SEC22A: variants seen among roughly 807,000 people sequenced by gnomAD.
SEC22A encodes SEC22 homolog A, vesicle trafficking protein.
Under a neutral mutation model 35.3 loss-of-function variants are expected in SEC22A, and 22 were observed. That is an observed-to-expected ratio of 0.62 (90% CI 0.45 to 0.89). The LOEUF is 0.89. SEC22A is among the 40% of genes least tolerant of loss of function. The pLI is 0.00. For missense variants in SEC22A, 354 were observed against 362.5 expected, an observed-to-expected ratio of 0.98 and a Z score of 0.19; for synonymous variants, 119 against 129.5, an observed-to-expected ratio of 0.92 and a Z score of 0.55.
rs1223821694 is a variant in SEC22A, at chr3:123,269,177, A to ATGTGTGTGTGTGTG, written c.724-2344_724-2343insGTGTGTGTGTGTGT. ...AGCCTTGGAAAACCTTGAATTAAAT[A>ATGTGTGTGTGTGTG]TATGTGTGTGTGTGTGTGTGTGTGT... is the stretch of plus-strand genomic sequence containing the variant. On this transcript the variant is annotated intron_variant, in intron 6 of 6. Transcript: ENST00000492595. Among the ~76,000 whole-genome samples the ATGTGTGTGTGTGTG allele has an allele frequency of 4.4e-3, 491 of 112,054 alleles. 8 individuals are homozygous for ATGTGTGTGTGTGTG. The highest frequency in any genetic ancestry group is 0.013 in the African/African-American group (343 of 26,484). The allele number at this position is 112,054 out of a possible 152,430, so 73.5% of individuals were successfully genotyped here. A position where few individuals can be genotyped will look rare whatever the true frequency, so the allele number is the denominator to read the frequency against.
chr3:123,237,560 G>T lies in SEC22A; in HGVS notation c.542-8339G>T, dbSNP rs1353023362. 2.0e-5 allele frequency among the ~76,000 whole-genome samples: 3 copies of T among 152,270 alleles called. No individual in the cohort carries two copies. The East Asian group carries it at 5.8e-4, about 29-fold the overall frequency. On this transcript the variant is annotated intron_variant, in intron 4 of 6. Transcript: ENST00000492595. ...TAATTACCTTGATGATATTTGGATT[G>T]GGGGAGCTCAAAAACTTCCATTGGA...
intron 4 of SEC22A, among the ~76,000 whole-genome samples, chr3:123,240,564 G>A (rs373169852): frequency 6.6e-6 from 1 of 152,094 alleles, no homozygotes. Flanking sequence ...ACTTGTTTCA[G>A]TTTTTGTTAT....
At chr3:123,257,995 G>GAAAAAAAAAAAAAAAAAAAAAAA (rs61068587) in intron 5 of SEC22A, among the ~76,000 whole-genome samples, 1 of 111,482 alleles carries the variant, frequency 9.0e-6, no homozygotes, top group Non-Finnish European at 1.9e-5. Flanking sequence ...CCATCTCATT[G>GAAAAAAAAAAAAAAAAAAAAAAA]AAAAAAAAAA....
intron 6 of SEC22A, among the ~76,000 whole-genome samples, chr3:123,262,478 CT>C (rs140870923): frequency 6.6e-6 from 1 of 152,162 alleles, no homozygotes. Context: ...CGACTTGGAA[CT>C]TTTTTTACTT....
At position 123,273,643 on chromosome 3, in the gene SEC22A, A is replaced by C. The variant is rs972097180; in HGVS notation, c.*1921A>C. The stretch of plus-strand genomic sequence containing the variant: ...GCCAACGTGGTGAAACCTCATCTCT[A>C]CTAAAAATACAAAATTTAGCTGGGT... On this transcript the variant is annotated 3_prime_UTR_variant, in exon 7 of 7. Coordinates refer to ENST00000492595, the MANE Select transcript of SEC22A (RefSeq NM_012430.5). The C allele has an allele frequency of 6.6e-6, 1 of 152,138 alleles. No homozygotes were observed. The highest frequency in any genetic ancestry group is 1.5e-5 in the Non-Finnish European group (1 of 68,040). The allele number at this position is 152,138 out of a possible 1,614,324, so 9.4% of individuals were successfully genotyped here. A position where few individuals can be genotyped will look rare whatever the true frequency, so the allele number is the denominator to read the frequency against.
intron 6 of SEC22A, 36 bp from the exon 7 acceptor site, chr3:123,271,486 A>G (rs1938156904): frequency 6.5e-7 from 1 of 1,539,906 alleles, no homozygotes; most frequent in South Asian, 1.1e-5. Context: ...CTTTTCCTGT[A>G]ACCCTAATCA....
intron 4 of SEC22A, among the ~76,000 whole-genome samples, chr3:123,241,979 C>T (rs1355244068): frequency 1.3e-5 from 2 of 151,888 alleles, no homozygotes; most frequent in African/African-American, 2.4e-5. Context: ...AAGGAGAATC[C>T]TAGCATCTCC....
At chr3:123,258,502 C>T (rs1337748855) in intron 5 of SEC22A, among the ~76,000 whole-genome samples, 1 of 152,132 alleles carries the variant, frequency 6.6e-6, no homozygotes, top group African/African-American at 2.4e-5. Context: ...TTGGTGTTGG[C>T]CTTCCTTGCC....
At chr3:123,220,272 T>C (rs1482432152) in intron 2 of SEC22A, among the ~76,000 whole-genome samples, 1 of 152,264 alleles carries the variant, frequency 6.6e-6, no homozygotes, top group East Asian at 1.9e-4. Flanking sequence ...GATAATCAAA[T>C]AACTCCTAGC....
At chr3:123,239,449 C>T (rs1360396517) in intron 4 of SEC22A, among the ~76,000 whole-genome samples, 1 of 152,004 alleles carries the variant, frequency 6.6e-6, no homozygotes, top group Non-Finnish European at 1.5e-5. Flanking sequence ...CTCCCCCCTC[C>T]ACCCACCCCA....
intron 5 of SEC22A, among the ~76,000 whole-genome samples, chr3:123,257,729 G>A (rs1051720827): frequency 2.6e-5 from 4 of 152,020 alleles, no homozygotes; most frequent in South Asian, 2.1e-4. Context: ...AGTGGCTCAC[G>A]CCTGTAATCC....
chr3:123,249,744 G>A (rs553736271), intron 5 of SEC22A, among the ~76,000 whole-genome samples: 1 of 152,080 alleles, frequency 6.6e-6, no homozygotes, highest in East Asian at 1.9e-4. Context: ...GGCTGGTCTC[G>A]AACTCCTGAC....
chr3:123,263,146 G>A (rs1458624915), intron 6 of SEC22A, among the ~76,000 whole-genome samples: 1 of 152,206 alleles, frequency 6.6e-6, no homozygotes, highest in Non-Finnish European at 1.5e-5. Context: ...AGGACATTAT[G>A]TAAATGGAAT....
At chr3:123,243,539 C>G (rs1381660591) in intron 4 of SEC22A, among the ~76,000 whole-genome samples, 1 of 152,168 alleles carries the variant, frequency 6.6e-6, no homozygotes, top group East Asian at 1.9e-4. Context: ...CTAGACCACC[C>G]TCCCCCTACT....
chr3:123,249,234 C>A (rs545885815), intron 5 of SEC22A, among the ~76,000 whole-genome samples: 1 of 152,046 alleles, frequency 6.6e-6, no homozygotes, highest in Non-Finnish European at 1.5e-5. Context: ...CACATGGCAC[C>A]CACCCAGAAG....
intron 4 of SEC22A, among the ~76,000 whole-genome samples, chr3:123,236,813 G>A (rs866037172): frequency 5.3e-5 from 8 of 150,666 alleles, no homozygotes; most frequent in South Asian, 2.1e-4. Context: ...TAAGAAACAC[G>A]CACACACACA....
intron 4 of SEC22A, among the ~76,000 whole-genome samples, chr3:123,239,753 G>A (rs568767592): frequency 1.1e-4 from 16 of 152,078 alleles, no homozygotes; most frequent in African/African-American, 3.6e-4. Flanking sequence ...AGTAGGTTGC[G>A]AAAATTTTCT....
chr3:123,212,959 A>G (rs550313154), intron 2 of SEC22A, among the ~76,000 whole-genome samples: 1 of 152,196 alleles, frequency 6.6e-6, no homozygotes, highest in Non-Finnish European at 1.5e-5. Context: ...TTGAGACCAG[A>G]AGTACATAAA....
chr3:123,248,793 C>T (rs772117090), intron 5 of SEC22A, among the ~76,000 whole-genome samples: 1 of 152,220 alleles, frequency 6.6e-6, no homozygotes, highest in Non-Finnish European at 1.5e-5. Flanking sequence ...TGCTTCTGTA[C>T]TCTCACGATT....
Sources: allele counts gnomAD v4.1 joint callset (sites outside exome capture counted in the v4.1 genomes callset), GRCh38; gene constraint gnomAD v4.1.1; transcripts MANE v1.5; gene names NCBI Gene and HGNC (gene_info 2026-07-23, HGNC 2026-07-21).